The following NAV2 variants were observed in gnomAD, a reference collection of about 807,000 sequenced individuals.
NAV2 encodes neuron navigator 2, also known as helicase, APC down-regulated 1.
Under a neutral mutation model 223.2 loss-of-function variants are expected in NAV2, and 54 were observed. That is an observed-to-expected ratio of 0.24 (90% confidence interval 0.19 to 0.30). The LOEUF is 0.30. NAV2 is among the 10% of genes least tolerant of loss of function. The pLI, the probability that NAV2 is intolerant of heterozygous loss-of-function variation, is 1.00. For missense variants in NAV2, 2,806 were observed against 3,147.5 expected, an observed-to-expected ratio of 0.89 and a Z score of 2.60; for synonymous variants, 1,279 against 1,239.3, an observed-to-expected ratio of 1.03 and a Z score of -0.67.
intron 27 of NAV2, among the ~76,000 whole-genome samples, chr11:20,091,984 C>T (rs1213676049): frequency 1.3e-5 from 2 of 152,154 alleles, no homozygotes; most frequent in Non-Finnish European, 2.9e-5. Context: ...TTTCAGAGGT[C>T]TTTTCAAAGG....
At chr11:19,934,337 G>A (rs2045654385) in intron 7 of NAV2, 60 bp downstream of exon 7, 1 of 1,496,054 alleles carries the variant, frequency 6.7e-7, no homozygotes. Context: ...CTTTATAGTG[G>A]ATTCCGGGTC....
rs1288980859 is a variant in NAV2, at chr11:19,933,002, G to C, written c.932-174G>C. Reference sequence around the variant, plus strand: ...GTGAACTGTGCAGTATGGAAAGCAGGAGGAAGTCAAGCCAGAAATTAAAAC... The same window carrying C: ...GTGAACTGTGCAGTATGGAAAGCAGCAGGAAGTCAAGCCAGAAATTAAAAC... On this transcript the variant is annotated intron_variant, in intron 6 of 37. Transcript: ENST00000349880. This position sits in a 1 kb window ranked among gnomAD's most constrained non-coding sequence, Gnocchi z 4.3. 2.6e-5 allele frequency among the ~76,000 whole-genome samples: 4 copies of C among 152,224 alleles called. No individual in the cohort carries two copies. Among genetic ancestry groups the C allele is most frequent in the Admixed American group, 1.3e-4 (2 of 15,288 alleles).
chr11:19,644,896 G>A (rs893359655), intron 1 of NAV2, among the ~76,000 whole-genome samples: 1 of 152,200 alleles, frequency 6.6e-6, no homozygotes, highest in Non-Finnish European at 1.5e-5. Flanking sequence ...GTTGCATCTG[G>A]TATTTTACAC....
At chr11:19,755,955 G>GCA (rs746153107) in intron 1 of NAV2, among the ~76,000 whole-genome samples, 2 of 152,198 alleles carry the variant, frequency 1.3e-5, no homozygotes, top group Non-Finnish European at 2.9e-5. Context: ...CAAGATAACT[G>GCA]CACAGCCTAG....
intron 1 of NAV2, among the ~76,000 whole-genome samples, chr11:19,430,384 C>T (rs1282985066): frequency 6.6e-6 from 1 of 152,194 alleles, no homozygotes; most frequent in Non-Finnish European, 1.5e-5. Context: ...TTCTTCAGTC[C>T]CCTCTCGCAT....
intron 22 of NAV2, among the ~76,000 whole-genome samples, chr11:20,069,435 A>G (rs1223292286): frequency 1.3e-5 from 2 of 152,126 alleles, no homozygotes; most frequent in African/African-American, 2.4e-5. Context: ...TCCTGAAGTT[A>G]GCAGACACCT....
intron 1 of NAV2, among the ~76,000 whole-genome samples, chr11:19,782,208 T>A (rs1456660325): frequency 6.6e-6 from 1 of 152,200 alleles, no homozygotes; most frequent in African/African-American, 2.4e-5. Context: ...CAGGAATAGT[T>A]CCATATGCAT....
intron 22 of NAV2, among the ~76,000 whole-genome samples, chr11:20,074,687 A>G (rs1044802927): frequency 4.0e-5 from 6 of 149,572 alleles, no homozygotes; most frequent in Non-Finnish European, 1.5e-5. Context: ...CCGTCATGTA[A>G]TGGCCTTCTT....
At chr11:20,105,405 G>A (rs939050220) in intron 34 of NAV2, 126 bp from the exon 35 acceptor site, 1 of 721,546 alleles carries the variant, frequency 1.4e-6, no homozygotes, top group South Asian at 1.8e-5. Context: ...AGTGTTCGGT[G>A]CATAGCTAAT....
intron 27 of NAV2, among the ~76,000 whole-genome samples, chr11:20,091,296 C>T (rs531197309): frequency 6.6e-6 from 1 of 152,320 alleles, no homozygotes; most frequent in South Asian, 2.1e-4. Context: ...TCAAGGCCTT[C>T]TGCAGGGTCG....
chr11:19,717,941 C>A (rs4623882), intron 1 of NAV2, among the ~76,000 whole-genome samples: 11 of 151,950 alleles, frequency 7.2e-5, no homozygotes, highest in Non-Finnish European at 1.6e-4. Flanking sequence ...GTGAAAAGAC[C>A]TAACTTAGCC....
chr11:19,479,312 A>G (rs532750750), intron 1 of NAV2, among the ~76,000 whole-genome samples: 52 of 152,296 alleles, frequency 3.4e-4, no homozygotes, highest in African/African-American at 1.2e-3. Flanking sequence ...AACAGAATTC[A>G]AGCACCAAAA....
intron 1 of NAV2, among the ~76,000 whole-genome samples, chr11:19,714,898 GTCAGCAGGGAC>G (rs2050175937): frequency 6.6e-6 from 1 of 152,198 alleles, no homozygotes; most frequent in Non-Finnish European, 1.5e-5. Flanking sequence ...TTGGCAGTCA[GTCAGCAGGGAC>G]TTTTGGGGAC....
chr11:19,949,112 G>T lies in NAV2; in HGVS notation c.2645+32G>T, dbSNP rs771794895. On this transcript the variant is annotated intron_variant, in intron 10 of 37. Coordinates refer to ENST00000349880, the MANE Select transcript of NAV2 (RefSeq NM_145117.5). ...ACCCGGGGCCGCCCTTTCTCCCAGA[G>T]AGAAAGAGGGCTTGGCACCTGGCTT... 1.9e-6 allele frequency: 3 copies of T among 1,545,002 alleles called. No homozygotes were observed. In the South Asian group the frequency reaches 3.8e-5, roughly 20 times the overall value.
At chr11:20,018,218 G>A (rs1394427547) in intron 11 of NAV2, among the ~76,000 whole-genome samples, 1 of 152,042 alleles carries the variant, frequency 6.6e-6, no homozygotes, top group East Asian at 1.9e-4. Context: ...ACCAGGAATG[G>A]TGGTGCATGC....
At chr11:19,478,666 CA>C (rs1168645859) in intron 1 of NAV2, among the ~76,000 whole-genome samples, 1 of 152,188 alleles carries the variant, frequency 6.6e-6, no homozygotes, top group Non-Finnish European at 1.5e-5. Context: ...CTTGACCAAC[CA>C]AGACAAAAGC....
intron 1 of NAV2, among the ~76,000 whole-genome samples, chr11:19,568,638 C>T (rs2045337843): frequency 6.6e-6 from 1 of 152,176 alleles, no homozygotes; most frequent in South Asian, 2.1e-4. Context: ...TATGAAAGCA[C>T]CTCCCAGGTA....
At chr11:19,482,547 G>A (rs2042312283) in intron 1 of NAV2, among the ~76,000 whole-genome samples, 1 of 152,170 alleles carries the variant, frequency 6.6e-6, no homozygotes, top group Non-Finnish European at 1.5e-5. Context: ...GCATGTTGCT[G>A]TTGATGACTG....
At chr11:19,972,604 G>A (rs1239017916) in intron 10 of NAV2, among the ~76,000 whole-genome samples, 8 of 152,116 alleles carry the variant, frequency 5.3e-5, no homozygotes, top group South Asian at 2.1e-4. Flanking sequence ...TTGTACATGC[G>A]TGTCTGTGTG....
Sources: gnomAD v4.1 joint callset for allele counts (sites outside exome capture counted in the v4.1 genomes callset) on GRCh38, gnomAD v4.1.1 for gene constraint, Gnocchi (gnomAD v3.1) non-coding constraint, MANE v1.5 for transcripts, NCBI Gene and HGNC (gene_info 2026-07-23, HGNC 2026-07-21) for gene names.